PRDM2: variants seen among roughly 807,000 people sequenced by gnomAD.
PRDM2 encodes PR domain zinc finger protein 2.
In PRDM2, 30 loss-of-function variants were observed where a neutral mutation model predicts 130.0. That is an observed-to-expected ratio of 0.23 (90% CI 0.17 to 0.31). The LOEUF is 0.31. Ranked by LOEUF, PRDM2 falls within the 10% of genes least tolerant of loss-of-function variation. The pLI, the probability that PRDM2 is intolerant of heterozygous loss-of-function variation, is 1.00. For synonymous variants in PRDM2, 871 were observed against 782.4 expected (o/e 1.11, Z -1.89); for missense variants, 2,011 against 2,108.4 (o/e 0.95, Z 0.90).
chr1:13,786,390 A>G, intron 8 of PRDM2: 1 of 1,311,642 alleles, frequency 7.6e-7, no homozygotes, highest in Non-Finnish European at 1.1e-6. Context: ...AAATGCCTTC[A>G]GTCATGTATG....
At chr1:13,786,189 G>A (rs1447708389) in intron 8 of PRDM2, among the ~76,000 whole-genome samples, 2 of 151,874 alleles carry the variant, frequency 1.3e-5, no homozygotes, top group African/African-American at 2.4e-5. Context: ...TTTTCAAACC[G>A]AGTTCCCATC....
At chr1:13,710,260 A>G (rs530881439) in intron 1 of PRDM2, among the ~76,000 whole-genome samples, 1 of 152,216 alleles carries the variant, frequency 6.6e-6, no homozygotes, top group Non-Finnish European at 1.5e-5. Context: ...ACCCAGGGAA[A>G]GGGCTGTCCC....
chr1:13,736,102 T>C (rs919149278), intron 4 of PRDM2, among the ~76,000 whole-genome samples: 42 of 151,890 alleles, frequency 2.8e-4, no homozygotes, highest in African/African-American at 9.9e-4. Flanking sequence ...TACGTTATTG[T>C]TTGTTTCTTT....
At chr1:13,810,470 G>A (rs753022025) in intron 8 of PRDM2, among the ~76,000 whole-genome samples, 2 of 149,072 alleles carry the variant, frequency 1.3e-5, no homozygotes, top group South Asian at 2.1e-4. Context: ...TGCACTGAAC[G>A]TGAAAGCTTG....
At chr1:13,741,720 T>G (rs866431550) in intron 4 of PRDM2, among the ~76,000 whole-genome samples, 2 of 112,596 alleles carry the variant, frequency 1.8e-5, no homozygotes, top group African/African-American at 8.2e-5. Context: ...CTCTTTAAGT[T>G]TGTGTGTGTG....
chr1:13,757,517 A>C (rs941858496), intron 6 of PRDM2, among the ~76,000 whole-genome samples: 1 of 152,230 alleles, frequency 6.6e-6, no homozygotes, highest in Non-Finnish European at 1.5e-5. Context: ...TCTTGTGTTG[A>C]GACTGGGTTA....
intron 8 of PRDM2, among the ~76,000 whole-genome samples, chr1:13,807,265 ACTC>A (rs1166745338): frequency 6.6e-6 from 1 of 151,932 alleles, no homozygotes; most frequent in African/African-American, 2.4e-5. Flanking sequence ...ATTCACTAAA[ACTC>A]CTGTTGGCAA....
Position 13,782,085 on chromosome 1 carries a change from G to A in PRDM2, c.4290G>A (p.Gln1430=). The change falls in exon 8 of 10, where the codon CAG becomes CAA. Residue 1430 remains glutamine, a synonymous_variant. Transcript: ENST00000311066. ...NALKKKNQLV[Q]KAILQKNKSA... ...TGAAGAAAAAAAATCAGCTAGTACA[G>A]AAAGCAATTCTTCAGAAAAACAAAT... 1 of 1,614,030 alleles carries A rather than the reference G, an allele frequency of 6.2e-7. No homozygotes were observed. The highest frequency in any genetic ancestry group is 1.1e-5 in the South Asian group (1 of 91,070).
chr1:13,706,979 A>G (rs569378270), intron 1 of PRDM2, among the ~76,000 whole-genome samples: 1 of 152,144 alleles, frequency 6.6e-6, no homozygotes, highest in Non-Finnish European at 1.5e-5. Context: ...ACTAAAAAAA[A>G]AAAAACTTAA....
chr1:13,777,082 G>T (rs918376419), intron 7 of PRDM2, among the ~76,000 whole-genome samples: 1 of 152,126 alleles, frequency 6.6e-6, no homozygotes, highest in Non-Finnish European at 1.5e-5. Flanking sequence ...ACACGCACAT[G>T]CACACAGACC....
At chr1:13,712,053 CAAA>C (rs5772549) in intron 1 of PRDM2, among the ~76,000 whole-genome samples, 16 of 83,874 alleles carry the variant, frequency 1.9e-4, no homozygotes, top group Non-Finnish European at 3.8e-4. Flanking sequence ...CATCTCTACC[CAAA>C]AAAAAAAAAA....
chr1:13,739,151 A>G (rs1643362530), intron 4 of PRDM2, among the ~76,000 whole-genome samples: 1 of 150,994 alleles, frequency 6.6e-6, no homozygotes, highest in Non-Finnish European at 1.5e-5. Flanking sequence ...TGTTCACGCC[A>G]TTCTCCTGCC....
chr1:13,745,184 A>T (rs998163350), intron 5 of PRDM2, among the ~76,000 whole-genome samples: 5 of 152,082 alleles, frequency 3.3e-5, no homozygotes, highest in Non-Finnish European at 7.4e-5. Context: ...GATAATAAGT[A>T]AATAAGAAAG....
chr1:13,741,547 A>G (rs1256415046), intron 4 of PRDM2, among the ~76,000 whole-genome samples: 1 of 152,154 alleles, frequency 6.6e-6, no homozygotes, highest in Non-Finnish European at 1.5e-5. Context: ...CAGGTGCCAT[A>G]CTCGATTAGC....
intron 8 of PRDM2, among the ~76,000 whole-genome samples, chr1:13,798,849 T>G (rs1257211512): frequency 1.3e-5 from 2 of 152,210 alleles, no homozygotes; most frequent in Non-Finnish European, 2.9e-5. Flanking sequence ...TTTCTGACTT[T>G]TGCTCAAAAT....
At chr1:13,809,719 C>T (rs948228892) in intron 8 of PRDM2, among the ~76,000 whole-genome samples, 6 of 152,182 alleles carry the variant, frequency 3.9e-5, no homozygotes, top group Non-Finnish European at 7.3e-5. Flanking sequence ...GAGTCACCTG[C>T]AGAGATGACA....
intron 2 of PRDM2, among the ~76,000 whole-genome samples, chr1:13,724,826 A>T (rs1467795765): frequency 6.6e-6 from 1 of 152,200 alleles, no homozygotes; most frequent in Admixed American, 6.5e-5. Context: ...CAGGGCATAA[A>T]GGGAGAAAAA....
chr1:13,765,886 T>G (rs1443760848), intron 6 of PRDM2, among the ~76,000 whole-genome samples: 2 of 152,226 alleles, frequency 1.3e-5, no homozygotes, highest in Non-Finnish European at 2.9e-5. Flanking sequence ...TAACATGTAC[T>G]TTATACTTTT....
At position 13,733,013 on chromosome 1, in the gene PRDM2, A is replaced by G. The variant is rs531577080; in HGVS notation, c.231+131A>G. ...CTTTAAAGTCAAGAATATTTTTATT[A>G]AAGAGAAAATGTGTTTCCCTGGATA... On this transcript the variant is annotated intron_variant, in intron 4 of 9. Transcript: ENST00000311066. 1.8e-4 allele frequency: 126 copies of G among 699,672 alleles called. 1 individual carries two copies. In the South Asian group the frequency reaches 2.3e-3, roughly 13 times the overall value. The allele number at this position is 699,672 out of a possible 1,614,324, so 43.3% of individuals were successfully genotyped here.
Sources: allele counts gnomAD v4.1 joint callset (sites outside exome capture counted in the v4.1 genomes callset), GRCh38; gene constraint gnomAD v4.1.1; transcripts MANE v1.5; gene names NCBI Gene and HGNC (gene_info 2026-07-23, HGNC 2026-07-21).